SLC1A2: variants seen among roughly 807,000 people sequenced by gnomAD.
SLC1A2 encodes the protein solute carrier family 1 member 2.
Under a neutral mutation model 48.8 loss-of-function variants are expected in SLC1A2, and 15 were observed. The ratio of observed to expected loss-of-function variants is 0.31; its 90% confidence interval spans 0.21 to 0.47. The LOEUF is 0.47. Ranked by LOEUF, SLC1A2 falls within the 20% of genes least tolerant of loss-of-function variation. The pLI is 0.99. For missense variants in SLC1A2, 502 were observed against 730.5 expected (o/e 0.69, Z 3.61); for synonymous variants, 279 against 272.6 (o/e 1.02, Z -0.23).
At chr11:35,320,690 A>G (rs1444137726) in intron 1 of SLC1A2, among the ~76,000 whole-genome samples, 1 of 152,248 alleles carries the variant, frequency 6.6e-6, no homozygotes, top group Admixed American at 6.5e-5. Context: ...CCCTGGGAAT[A>G]AGGCCCTTCT....
chr11:35,336,951 G>T lies in SLC1A2; in HGVS notation c.18-19435C>A, dbSNP rs117149581. On this transcript the variant is annotated intron_variant, in intron 1 of 10. Coordinates refer to ENST00000278379, the MANE Select transcript of SLC1A2 (RefSeq NM_004171.4). ...GTACTGAGGTCTCTGTAGTACTTGGGACCAGCAGATTCCACAACATTTTTT... is the reference window on the plus strand; with the variant it reads ...GTACTGAGGTCTCTGTAGTACTTGGTACCAGCAGATTCCACAACATTTTTT... 6.6e-3 allele frequency among the ~76,000 whole-genome samples: 1,011 copies of T among 152,198 alleles called. 13 individuals are homozygous for T. Among genetic ancestry groups the T allele is most frequent in the Non-Finnish European group, 0.011 (722 of 68,014 alleles).
intron 1 of SLC1A2, among the ~76,000 whole-genome samples, chr11:35,326,194 G>A (rs1330662065): frequency 3.9e-5 from 6 of 152,120 alleles, no homozygotes; most frequent in African/African-American, 9.7e-5. Context: ...ATGAGGACCC[G>A]GGAAGATGCA....
chr11:35,413,172 C>A (rs969641427), intron 1 of SLC1A2, among the ~76,000 whole-genome samples: 1 of 152,198 alleles, frequency 6.6e-6, no homozygotes, highest in African/African-American at 2.4e-5. Context: ...AGTCTCAGAA[C>A]AGACTGTGCC....
At chr11:35,373,521 T>C (rs1017481324) in intron 1 of SLC1A2, among the ~76,000 whole-genome samples, 1 of 151,526 alleles carries the variant, frequency 6.6e-6, no homozygotes. Context: ...GAAACAAGGG[T>C]GAGAGAAGCA....
At chr11:35,321,907 C>T (rs1331256178) in intron 1 of SLC1A2, among the ~76,000 whole-genome samples, 1 of 152,050 alleles carries the variant, frequency 6.6e-6, no homozygotes. Flanking sequence ...CCAAATCCCT[C>T]GAGGCTAATG....
chr11:35,418,629 T>C, intron 1 of SLC1A2: 1 of 358,218 alleles, frequency 2.8e-6, no homozygotes, highest in Non-Finnish European at 5.1e-6. Flanking sequence ...GCTCACACTA[T>C]GCCCAATCCC....
chr11:35,396,286 C>T lies in SLC1A2; in HGVS notation c.17+22664G>A, dbSNP rs1198461821. 1.2e-4 allele frequency among the ~76,000 whole-genome samples: 14 copies of T among 114,654 alleles called. No homozygotes were observed. In the South Asian group the frequency reaches 3.6e-3, roughly 30 times the overall value. 75.2% of individuals were successfully genotyped at this position (114,654 alleles called of 152,430 possible). ...CACAATGGTTGAACTAGTTTACAGT[C>T]CCACCAACAGTGTAAAAGTGTTCCT... is the stretch of plus-strand genomic sequence containing the variant. On this transcript the variant is annotated intron_variant, in intron 1 of 10. Coordinates refer to ENST00000278379, the MANE Select transcript of SLC1A2 (RefSeq NM_004171.4).
chr11:35,278,730 C>T (rs1440382955), intron 9 of SLC1A2, among the ~76,000 whole-genome samples: 1 of 152,070 alleles, frequency 6.6e-6, no homozygotes, highest in Non-Finnish European at 1.5e-5. Context: ...CAAAATGTGG[C>T]TTCTGAGGCT....
chr11:35,357,244 G>C (rs564909808), intron 1 of SLC1A2, among the ~76,000 whole-genome samples: 1 of 146,234 alleles, frequency 6.8e-6, no homozygotes, highest in Non-Finnish European at 1.5e-5. Flanking sequence ...GCAACTGAGC[G>C]AGACTCTATA....
intron 8 of SLC1A2, among the ~76,000 whole-genome samples, chr11:35,282,773 G>T (rs1052991608): frequency 6.6e-6 from 1 of 152,124 alleles, no homozygotes; most frequent in Non-Finnish European, 1.5e-5. Flanking sequence ...AACATTATCT[G>T]GTTATCCTTT....
At chr11:35,336,318 CTAAAATTAAAAT>C (rs558168602) in intron 1 of SLC1A2, among the ~76,000 whole-genome samples, 1 of 152,034 alleles carries the variant, frequency 6.6e-6, no homozygotes, top group African/African-American at 2.4e-5. Flanking sequence ...TACCCCACAA[CTAAAATTAAAAT>C]TAAAATTAAA....
chr11:35,294,375 G>A (rs1450324783), intron 6 of SLC1A2, among the ~76,000 whole-genome samples: 1 of 152,128 alleles, frequency 6.6e-6, no homozygotes, highest in Non-Finnish European at 1.5e-5. Flanking sequence ...CTAGACATTA[G>A]GGAGTCTGAG....
intron 1 of SLC1A2, among the ~76,000 whole-genome samples, chr11:35,387,861 G>A (rs1243174997): frequency 6.6e-6 from 1 of 152,152 alleles, no homozygotes; most frequent in African/African-American, 2.4e-5. Flanking sequence ...GACTCAATTA[G>A]CTATGTGATG....
intron 3 of SLC1A2, among the ~76,000 whole-genome samples, chr11:35,313,769 C>A (rs144607833): frequency 1.3e-5 from 2 of 152,136 alleles, no homozygotes; most frequent in Non-Finnish European, 2.9e-5. Flanking sequence ...CTCAATCTAG[C>A]GCTGAATGAT....
intron 4 of SLC1A2, among the ~76,000 whole-genome samples, chr11:35,308,827 C>A (rs1312354419): frequency 6.6e-6 from 1 of 152,164 alleles, no homozygotes; most frequent in East Asian, 1.9e-4. Flanking sequence ...ATAAAACCTG[C>A]AAAACCATAA....
At chr11:35,362,894 C>T (rs559566406) in intron 1 of SLC1A2, among the ~76,000 whole-genome samples, 198 of 152,324 alleles carry the variant, frequency 1.3e-3, no homozygotes, top group Non-Finnish European at 2.2e-3. Flanking sequence ...ATGATACTAG[C>T]TAATCTTCAC....
At chr11:35,275,845 G>A (rs1288012981) in intron 9 of SLC1A2, among the ~76,000 whole-genome samples, 3 of 152,004 alleles carry the variant, frequency 2.0e-5, no homozygotes, top group Non-Finnish European at 2.9e-5. Flanking sequence ...ATGGCCAGTT[G>A]CACCCCATCT....
rs76047771 is a variant in SLC1A2 at position 35,379,958 on chromosome 11, G to A, written c.17+38992C>T. The stretch of plus-strand genomic sequence containing the variant: ...ATTTAATAAACTCCATTTAACCACC[G>A]ACTGCAAAGACTTTACTTGCACGCT... On this transcript the variant is annotated intron_variant, in intron 1 of 10. Transcript: ENST00000278379. Among the ~76,000 whole-genome samples, 77 of 152,168 alleles carry A rather than the reference G, an allele frequency of 5.1e-4. No individual in the cohort carries two copies. The East Asian group carries it at 0.01, about 20-fold the overall frequency.
chr11:35,272,250 T>C (rs966035761), intron 9 of SLC1A2, among the ~76,000 whole-genome samples: 2 of 152,222 alleles, frequency 1.3e-5, no homozygotes, highest in African/African-American at 4.8e-5. Context: ...GTGGAGGGAC[T>C]GTATTCCATC....
Sources: gnomAD v4.1 joint callset for allele counts (sites outside exome capture counted in the v4.1 genomes callset) on GRCh38, gnomAD v4.1.1 for gene constraint, MANE v1.5 for transcripts, NCBI Gene and HGNC (gene_info 2026-07-23, HGNC 2026-07-21) for gene names.